CLOCK: variants seen among roughly 807,000 people sequenced by gnomAD.
CLOCK encodes circadian locomoter output cycles protein kaput.
CLOCK carries 43 observed loss-of-function variants against 118.4 expected under a neutral mutation model. The observed-to-expected ratio is 0.36, with a 90% CI of 0.28 to 0.47. The LOEUF is 0.47. Ranked by LOEUF, CLOCK falls within the 20% of genes least tolerant of loss-of-function variation. The pLI, the probability that CLOCK is intolerant of heterozygous loss-of-function variation, is 1.00. For synonymous variants in CLOCK, 326 were observed against 339.2 expected, an observed-to-expected ratio of 0.96 and a Z score of 0.43; for missense variants, 846 against 999.9, an observed-to-expected ratio of 0.85 and a Z score of 2.08.
chr4:55,437,346 A>C (rs1429932187), intron 22 of CLOCK, among the ~76,000 whole-genome samples: 1 of 152,194 alleles, frequency 6.6e-6, no homozygotes, highest in Non-Finnish European at 1.5e-5. Context: ...ACACATACAG[A>C]CTAGCCTACA....
chr4:55,520,734 C>T (rs1729801855), intron 1 of CLOCK, among the ~76,000 whole-genome samples: 1 of 152,164 alleles, frequency 6.6e-6, no homozygotes, highest in Admixed American at 6.5e-5. Flanking sequence ...TTCTCCCTTA[C>T]TCCTTCACAA....
rs1377012111 is a variant in CLOCK, at chr4:55,459,276, A to G, written c.560-15T>C. 3.5e-6 allele frequency: 5 copies of G among 1,439,590 alleles called. 1 individual carries two copies. In the South Asian group the frequency reaches 5.7e-5, roughly 17 times the overall value. 89.2% of individuals were successfully genotyped at this position (1,439,590 alleles called of 1,614,324 possible). A position where few individuals can be genotyped will look rare whatever the true frequency, so the allele number is the denominator to read the frequency against. On this transcript the variant is annotated splice_polypyrimidine_tract_variant and intron_variant, in intron 9 of 22. Transcript: ENST00000513440. ...CTGATTTTTTGCTGAAATAAAAGAG[A>G]TTTTAAAAATCACATATTTCTGATA...
intron 13 of CLOCK, among the ~76,000 whole-genome samples, 190 bp from the exon 14 acceptor site, chr4:55,454,014 T>C (rs554506844): frequency 1.3e-5 from 2 of 152,328 alleles, no homozygotes; most frequent in South Asian, 2.1e-4. Context: ...TTATCAGATC[T>C]ACAGTGCCCA....
intron 1 of CLOCK, among the ~76,000 whole-genome samples, chr4:55,520,674 AATGTTAAACTC>A (rs1395571595): frequency 1.3e-5 from 2 of 152,188 alleles, no homozygotes; most frequent in Non-Finnish European, 2.9e-5. Context: ...AAAGTGAGGT[AATGTTAAACTC>A]ATACAAGCTA....
Position 55,479,668 on chromosome 4 carries a change from C to T in CLOCK, c.79G>A (p.Glu27Lys), listed in dbSNP as rs1479782437. The change falls in exon 5 of 23, where the codon GAA becomes AAA. Residue 27 changes from glutamate to lysine, a missense_variant. Glu to Lys is a moderately conservative substitution (Grantham distance 56). Transcript: ENST00000513440. ...DDSSIFDGLVEEDDKDKAKRV... is the reference protein window; with the variant it reads ...DDSSIFDGLVKEDDKDKAKRV... The stretch of plus-strand genomic sequence containing the variant: ...TTCGCTTTGTCCTTGTCATCTTCTT[C>T]CACCAACCCATCAAAAATACTACTG... The T allele has an allele frequency of 1.7e-5, 27 of 1,612,648 alleles. No individual in the cohort carries two copies. The highest frequency in any genetic ancestry group is 2.3e-5 in the Non-Finnish European group (27 of 1,179,182).
chr4:55,448,741 T>G, intron 18 of CLOCK, 38 bp downstream of exon 18: 1 of 1,517,928 alleles, frequency 6.6e-7, no homozygotes, highest in Non-Finnish European at 9.1e-7. Context: ...CAATTTATCA[T>G]ATTCAAATAC....
At chr4:55,528,704 T>C (rs1730354613) in intron 1 of CLOCK, among the ~76,000 whole-genome samples, 1 of 152,170 alleles carries the variant, frequency 6.6e-6, no homozygotes, top group Non-Finnish European at 1.5e-5. Context: ...TCTAAGTCAA[T>C]CTTTCAGAGA....
In CLOCK at chr4:55,453,367, AAAAT is replaced by A. The variant is rs757456333; in HGVS notation, c.1131-242_1131-239del. The A allele has an allele frequency of 8.3e-4, 411 of 497,068 alleles. 1 individual carries two copies. Among genetic ancestry groups the A allele is most frequent in the Non-Finnish European group, 1.2e-3 (335 of 281,754 alleles). The allele number at this position is 497,068 out of a possible 1,614,324, so 30.8% of individuals were successfully genotyped here. A position where few individuals can be genotyped will look rare whatever the true frequency, so the allele number is the denominator to read the frequency against. On this transcript the variant is annotated intron_variant, in intron 14 of 22. Coordinates refer to ENST00000513440, the MANE Select transcript of CLOCK (RefSeq NM_004898.4). Reference sequence around the variant, plus strand: ...TAACCACACAATACTTAAATTAAGAAAAATAAATAAAGGAAGTGTATGCTTATCT... The same window carrying A: ...TAACCACACAATACTTAAATTAAGAAAAATAAAGGAAGTGTATGCTTATCT...
Position 55,443,848 on chromosome 4 carries a change from G to A in CLOCK, c.1741C>T (p.Leu581Phe), listed in dbSNP as rs542941158. The A allele has an allele frequency of 6.2e-7, 1 of 1,613,582 alleles. No homozygotes were observed. The highest frequency in any genetic ancestry group is 1.1e-5 in the South Asian group (1 of 91,060). Residue 581 changes from leucine to phenylalanine, a missense_variant, in exon 20 of 23, where the codon CTT becomes TTT. Around this residue, in one of 4 missense-constraint regions of CLOCK, gnomAD observed 520 missense variants for 558.0 expected, o/e 0.93. Coordinates refer to ENST00000513440, the MANE Select transcript of CLOCK (RefSeq NM_004898.4). ...ATATTAGATGAATTTCCAGAAGAAAGTTGAACGGAACCAAAATTCAACCCA... is the reference window on the plus strand; with the variant it reads ...ATATTAGATGAATTTCCAGAAGAAAATTGAACGGAACCAAAATTCAACCCA... The part of the protein sequence containing the change: ...NPGLNFGSVQ[L>F]SSGNSSNIQQ...
chr4:55,453,595 AC>A (rs1724664349), intron 14 of CLOCK, 81 bp downstream of exon 14: 1 of 1,215,634 alleles, frequency 8.2e-7, no homozygotes, highest in East Asian at 2.4e-5. Flanking sequence ...TAGCTCTTTA[AC>A]AACTTACGCA....
chr4:55,492,392 A>G (rs993597211), intron 2 of CLOCK, among the ~76,000 whole-genome samples: 1 of 151,808 alleles, frequency 6.6e-6, no homozygotes, highest in Non-Finnish European at 1.5e-5. Context: ...AACTAGGAAT[A>G]GAAGGAATTT....
chr4:55,467,319 G>A (rs1413164604), intron 8 of CLOCK, among the ~76,000 whole-genome samples: 2 of 152,162 alleles, frequency 1.3e-5, no homozygotes, highest in Admixed American at 6.5e-5. Context: ...ATCACTGAGT[G>A]ACGCTCCAAG....
intron 1 of CLOCK, among the ~76,000 whole-genome samples, chr4:55,515,392 T>G (rs1450721515): frequency 6.6e-6 from 1 of 152,196 alleles, no homozygotes; most frequent in Non-Finnish European, 1.5e-5. Flanking sequence ...TTGTTTGTTT[T>G]GAGATGGAGT....
intron 1 of CLOCK, among the ~76,000 whole-genome samples, chr4:55,543,853 ATAAG>A: frequency 6.6e-6 from 1 of 152,334 alleles, no homozygotes; most frequent in African/African-American, 2.4e-5. Context: ...CAAATGAAAA[ATAAG>A]TGACACTTTG....
In CLOCK at chr4:55,434,929, T is replaced by C. The variant is rs1295984169; in HGVS notation, c.*486A>G. The C allele has an allele frequency of 5.6e-6, 1 of 180,008 alleles. No individual in the cohort carries two copies. Among genetic ancestry groups the C allele is most frequent in the Non-Finnish European group, 1.2e-5 (1 of 83,998 alleles). The allele number at this position is 180,008 out of a possible 1,614,324, so 11.2% of individuals were successfully genotyped here. On this transcript the variant is annotated 3_prime_UTR_variant, in exon 23 of 23. Transcript: ENST00000513440. ...CTGAAAGTAATTACTGTTCCATCAT[T>C]ATCTGAAAAGGGAGAGGGGTTGGGG... is the stretch of plus-strand genomic sequence containing the variant.
intron 1 of CLOCK, among the ~76,000 whole-genome samples, chr4:55,546,095 C>A (rs1370212648): frequency 1.3e-5 from 2 of 152,178 alleles, no homozygotes; most frequent in East Asian, 3.9e-4. Context: ...GCCCCGGCGC[C>A]CCATTGGGCG....
chr4:55,469,303 C>T (rs997809287), intron 8 of CLOCK, among the ~76,000 whole-genome samples: 1 of 152,278 alleles, frequency 6.6e-6, no homozygotes, highest in Non-Finnish European at 1.5e-5. Flanking sequence ...CCATGTTGGT[C>T]AGGCTGGTCT....
chr4:55,502,051 G>A (rs970580713), intron 2 of CLOCK, among the ~76,000 whole-genome samples: 3 of 152,040 alleles, frequency 2.0e-5, no homozygotes, highest in East Asian at 1.9e-4. Flanking sequence ...ATAACAAAAC[G>A]CCCTGAGAGA....
intron 8 of CLOCK, among the ~76,000 whole-genome samples, chr4:55,464,498 T>G (rs1167409994): frequency 6.6e-6 from 1 of 152,160 alleles, no homozygotes; most frequent in Non-Finnish European, 1.5e-5. Flanking sequence ...GACTTTACAT[T>G]TGCCACTACG....
Sources: allele counts gnomAD v4.1 joint callset (sites outside exome capture counted in the v4.1 genomes callset), GRCh38; gene constraint gnomAD v4.1.1; regional missense constraint gnomAD v4.1.1; transcripts MANE v1.5; gene names NCBI Gene and HGNC (gene_info 2026-07-23, HGNC 2026-07-21).